The following GRID2 variants were observed in gnomAD, a reference collection of about 807,000 sequenced individuals.
GRID2 encodes the protein glutamate receptor ionotropic, delta-2.
A neutral mutation model predicts 114.8 loss-of-function variants in GRID2; 33 were observed. The ratio of observed to expected loss-of-function variants is 0.29; its 90% CI spans 0.22 to 0.38. The LOEUF is 0.38. GRID2 is among the 10% of genes least tolerant of loss of function. The pLI is 1.00. For synonymous variants in GRID2, 505 were observed against 449.9 expected, an observed-to-expected ratio of 1.12 and a Z score of -1.55; for missense variants, 1,184 against 1,257.7, an observed-to-expected ratio of 0.94 and a Z score of 0.89.
At chr4:92,737,943 A>G (rs1030127160) in intron 2 of GRID2, among the ~76,000 whole-genome samples, 4 of 152,096 alleles carry the variant, frequency 2.6e-5, no homozygotes, top group African/African-American at 9.7e-5. Flanking sequence ...TTTCCCGGTA[A>G]TTGTTTCCTC....
At chr4:93,765,358 T>A (rs1733559716) in intron 14 of GRID2, among the ~76,000 whole-genome samples, 1 of 152,064 alleles carries the variant, frequency 6.6e-6, no homozygotes, top group Admixed American at 6.6e-5. Flanking sequence ...GTCCAATTTC[T>A]CTGTACATCC....
intron 2 of GRID2, among the ~76,000 whole-genome samples, chr4:92,910,886 T>G (rs931587539): frequency 6.6e-6 from 1 of 152,116 alleles, no homozygotes; most frequent in African/African-American, 2.4e-5. Context: ...TCTGTACATG[T>G]TCAGTACAAA....
chr4:93,174,054 G>A (rs541489392), intron 4 of GRID2, among the ~76,000 whole-genome samples: 2 of 152,208 alleles, frequency 1.3e-5, no homozygotes, highest in South Asian at 4.1e-4. Flanking sequence ...CATAACAAGA[G>A]CACAATATTA....
chr4:92,600,115 G>T (rs929570661), intron 2 of GRID2, among the ~76,000 whole-genome samples: 3 of 141,798 alleles, frequency 2.1e-5, no homozygotes, highest in Non-Finnish European at 4.6e-5. Flanking sequence ...TTAGGGGAGG[G>T]TGTAGGTGGG....
chr4:92,373,579 T>C (rs1729217563), intron 1 of GRID2, among the ~76,000 whole-genome samples: 2 of 152,216 alleles, frequency 1.3e-5, no homozygotes, highest in Admixed American at 1.3e-4. Context: ...ATATGAATAT[T>C]TTCTAGCTCA....
intron 1 of GRID2, among the ~76,000 whole-genome samples, chr4:92,580,645 C>T (rs558052631): frequency 6.6e-6 from 1 of 151,774 alleles, no homozygotes; most frequent in South Asian, 2.1e-4. Context: ...TGAGTTTGAC[C>T]CTTCTAAGAG....
At chr4:93,208,635 T>C (rs1371409352) in intron 5 of GRID2, among the ~76,000 whole-genome samples, 1 of 152,024 alleles carries the variant, frequency 6.6e-6, no homozygotes, top group Non-Finnish European at 1.5e-5. Flanking sequence ...TTTCAAGTTG[T>C]TTCTCCTACA....
intron 4 of GRID2, among the ~76,000 whole-genome samples, chr4:93,192,466 G>C (rs529753341): frequency 6.6e-6 from 1 of 152,246 alleles, no homozygotes; most frequent in East Asian, 1.9e-4. Flanking sequence ...TTCAGACCAG[G>C]CACTGTGGCT....
At chr4:92,674,642 C>T (rs1007087058) in intron 2 of GRID2, among the ~76,000 whole-genome samples, 1 of 152,144 alleles carries the variant, frequency 6.6e-6, no homozygotes, top group African/African-American at 2.4e-5. Flanking sequence ...CTGCCTCAGC[C>T]TCCCAAGTAG....
intron 2 of GRID2, among the ~76,000 whole-genome samples, chr4:92,921,385 C>T (rs552705313): frequency 7.9e-5 from 12 of 152,294 alleles, no homozygotes; most frequent in African/African-American, 2.9e-4. Context: ...TGTTCCATTG[C>T]TGTTGAGGAG....
intron 11 of GRID2, among the ~76,000 whole-genome samples, chr4:93,458,162 G>T (rs1723383668): frequency 6.6e-6 from 1 of 152,160 alleles, no homozygotes; most frequent in Non-Finnish European, 1.5e-5. Context: ...GACTATAAAT[G>T]CACAAGTGAA....
At chr4:92,796,165 T>C (rs1291278791) in intron 2 of GRID2, among the ~76,000 whole-genome samples, 1 of 151,944 alleles carries the variant, frequency 6.6e-6, no homozygotes, top group African/African-American at 2.4e-5. Context: ...CGTAGAATAC[T>C]GCATGCAATG....
At chr4:92,718,290 AT>A in intron 2 of GRID2, among the ~76,000 whole-genome samples, 1 of 152,208 alleles carries the variant, frequency 6.6e-6, no homozygotes, top group African/African-American at 2.4e-5. Context: ...ATATCCAAAA[AT>A]ATTGGAAAAT....
chr4:93,670,243 A>T (rs1358810115), intron 14 of GRID2, among the ~76,000 whole-genome samples: 1 of 152,190 alleles, frequency 6.6e-6, no homozygotes, highest in Non-Finnish European at 1.5e-5. Flanking sequence ...CATGTCAAAG[A>T]TCATTTCTAT....
chr4:92,488,943 G>C (rs1306673284), intron 1 of GRID2, among the ~76,000 whole-genome samples: 2 of 152,150 alleles, frequency 1.3e-5, no homozygotes, highest in Non-Finnish European at 2.9e-5. Context: ...TAGAACAACA[G>C]AGCCTACCCA....
In GRID2 at chr4:93,328,975, C is replaced by A. The variant is rs1758148312; in HGVS notation, c.1246-66632C>A. ...AAAACCATGTTGAATTTTTTTCTTGCTGCAGTTTTAGTACCTACTATAGTC... is the reference window on the plus strand; with the variant it reads ...AAAACCATGTTGAATTTTTTTCTTGATGCAGTTTTAGTACCTACTATAGTC... On this transcript the variant is annotated intron_variant, in intron 8 of 15. Transcript: ENST00000282020. Among the ~76,000 whole-genome samples the A allele has an allele frequency of 7.9e-5, 12 of 152,016 alleles. No homozygotes were observed. In the South Asian group the frequency reaches 2.5e-3, roughly 31 times the overall value.
At chr4:93,723,997 A>G (rs930669619) in intron 14 of GRID2, among the ~76,000 whole-genome samples, 1 of 152,176 alleles carries the variant, frequency 6.6e-6, no homozygotes, top group Non-Finnish European at 1.5e-5. Flanking sequence ...CAACATACAA[A>G]CATTCTTTCC....
chr4:92,635,382 C>T (rs1027012997), intron 2 of GRID2, among the ~76,000 whole-genome samples: 17 of 152,192 alleles, frequency 1.1e-4, no homozygotes, highest in Admixed American at 3.3e-4. Flanking sequence ...TGTATCTTCT[C>T]TTCTGAGGTT....
chr4:93,493,412 C>T (rs1727214438), intron 12 of GRID2, among the ~76,000 whole-genome samples: 1 of 151,682 alleles, frequency 6.6e-6, no homozygotes, highest in Non-Finnish European at 1.5e-5. Flanking sequence ...CTTCTTATTG[C>T]CATTTTATGG....
Sources: gnomAD v4.1 joint callset for allele counts (sites outside exome capture counted in the v4.1 genomes callset) on GRCh38, gnomAD v4.1.1 for gene constraint, MANE v1.5 for transcripts, NCBI Gene and HGNC (gene_info 2026-07-23, HGNC 2026-07-21) for gene names.